Variants in GDI2 observed in about 807,000 individuals in gnomAD.
The protein encoded by GDI2 is rab GDP dissociation inhibitor beta.
Under a neutral mutation model 54.2 loss-of-function variants are expected in GDI2, and 22 were observed. The ratio of observed to expected loss-of-function variants is 0.41; its 90% confidence interval spans 0.29 to 0.58. The LOEUF (loss-of-function observed/expected upper bound fraction) is 0.58. GDI2 is among the 20% of genes least tolerant of loss of function. The probability of loss-of-function intolerance (pLI) is 0.35; values close to 1 mark genes in which losing one functional copy is unlikely to be tolerated. For synonymous variants in GDI2, 177 were observed against 182.1 expected (o/e 0.97, Z 0.23); for missense variants, 422 against 546.0 (o/e 0.77, Z 2.26).
intron 1 of GDI2, among the ~76,000 whole-genome samples, chr10:5,809,791 G>A (rs1261410824): frequency 2.6e-5 from 4 of 152,196 alleles, no homozygotes; most frequent in Admixed American, 1.3e-4. Context: ...AGAGGTAATT[G>A]CAGTGTATCA....
intron 5 of GDI2, 140 bp from the exon 6 acceptor site, chr10:5,785,413 C>T (rs1840851908): frequency 9.4e-6 from 6 of 637,204 alleles, no homozygotes; most frequent in East Asian, 5.5e-5. Flanking sequence ...CTCACTCTGT[C>T]GCCCAGACTG....
chr10:5,780,237 CAAAA>C (rs973736600), intron 6 of GDI2, among the ~76,000 whole-genome samples: 22 of 129,088 alleles, frequency 1.7e-4, no homozygotes, highest in African/African-American at 6.3e-4. Flanking sequence ...AACAAACAAA[CAAAA>C]AAACAGACCA....
intron 4 of GDI2, among the ~76,000 whole-genome samples, chr10:5,789,845 C>T (rs950046068): frequency 3.3e-5 from 5 of 152,194 alleles, no homozygotes; most frequent in African/African-American, 7.2e-5. Flanking sequence ...AACTGCAGTA[C>T]ATACTGTACT....
intron 1 of GDI2, among the ~76,000 whole-genome samples, chr10:5,809,846 C>T (rs922610304): frequency 2.6e-5 from 4 of 152,234 alleles, no homozygotes; most frequent in African/African-American, 9.6e-5. Flanking sequence ...CAATGTCACA[C>T]TATTGTCATC....
intron 1 of GDI2, among the ~76,000 whole-genome samples, chr10:5,807,912 G>A (rs967092816): frequency 2.6e-5 from 4 of 152,114 alleles, no homozygotes. Context: ...GTGTTTCCAC[G>A]GCCAGTAACA....
intron 6 of GDI2, 152 bp downstream of exon 6, chr10:5,784,990 T>G: frequency 2.2e-6 from 1 of 464,910 alleles, no homozygotes; most frequent in South Asian, 7.5e-5. Context: ...GATCCATGCA[T>G]ATCATTATAT....
chr10:5,805,557 T>A (rs1841359503), intron 1 of GDI2, among the ~76,000 whole-genome samples: 1 of 151,950 alleles, frequency 6.6e-6, no homozygotes, highest in Non-Finnish European at 1.5e-5. Flanking sequence ...ATTTTTTAAT[T>A]TTTTGTAGCA....
At chr10:5,792,889 A>G (rs898503754) in intron 4 of GDI2, among the ~76,000 whole-genome samples, 1 of 151,456 alleles carries the variant, frequency 6.6e-6, no homozygotes, top group Admixed American at 6.6e-5. Flanking sequence ...TGAAGGAGGT[A>G]ACTGAAGCTT....
chr10:5,773,935 A>G lies in GDI2; in HGVS notation c.726T>C (p.Ser242=). Residue 242 remains serine, a synonymous_variant, in exon 7 of 11, where the codon AGT becomes AGC. Transcript: ENST00000380191. The part of the protein sequence containing the change: ...GELPQGFARL[S]AIYGGTYMLN... ...GCATATAGGTACCTCCATAAATAGC[A>G]CTTAGCCTGGAAAATTTTTAAAATC... The G allele has an allele frequency of 1.4e-6, 2 of 1,445,792 alleles. No individual in the cohort carries two copies. The highest frequency in any genetic ancestry group is 1.9e-6 in the Non-Finnish European group (2 of 1,043,830). The allele number at this position is 1,445,792 out of a possible 1,614,324, so 89.6% of individuals were successfully genotyped here. A position where few individuals can be genotyped will look rare whatever the true frequency, so the allele number is the denominator to read the frequency against.
chr10:5,809,671 T>G (rs1177362611), intron 1 of GDI2, among the ~76,000 whole-genome samples: 1 of 152,230 alleles, frequency 6.6e-6, no homozygotes, highest in South Asian at 2.1e-4. Flanking sequence ...GTTCTGTGTT[T>G]ACCTTTTTAC....
At chr10:5,802,823 A>G (rs1213412991) in intron 1 of GDI2, among the ~76,000 whole-genome samples, 4 of 152,204 alleles carry the variant, frequency 2.6e-5, no homozygotes, top group Admixed American at 1.3e-4. Flanking sequence ...CACAGGAGGA[A>G]AAAAGAGGAA....
At position 5,813,411 on chromosome 10, in the gene GDI2, A is replaced by G; in HGVS notation, c.-153T>C. ...TGGCGACAAGGCGAGACCGACCGCCACCTCAGACGGGAAGAGAAGAACTGG... is the reference window on the plus strand; with the variant it reads ...TGGCGACAAGGCGAGACCGACCGCCGCCTCAGACGGGAAGAGAAGAACTGG... On this transcript the variant is annotated 5_prime_UTR_variant, in exon 1 of 11. Coordinates refer to ENST00000380191, the MANE Select transcript of GDI2 (RefSeq NM_001494.4). 2.3e-6 allele frequency: 1 copy of G among 428,314 alleles called. No individual in the cohort carries two copies. Among genetic ancestry groups the G allele is most frequent in the Non-Finnish European group, 4.3e-6 (1 of 234,808 alleles). 26.5% of individuals were successfully genotyped at this position (428,314 alleles called of 1,614,324 possible).
chr10:5,779,576 C>A (rs1455515661), intron 6 of GDI2, among the ~76,000 whole-genome samples: 2 of 151,162 alleles, frequency 1.3e-5, no homozygotes, highest in African/African-American at 4.9e-5. Context: ...AATTAAAATT[C>A]ACTGAATGAG....
At chr10:5,806,662 C>T (rs1841386846) in intron 1 of GDI2, among the ~76,000 whole-genome samples, 1 of 151,928 alleles carries the variant, frequency 6.6e-6, no homozygotes, top group African/African-American at 2.4e-5. Flanking sequence ...TTAACAACTA[C>T]AAAAATCAAC....
chr10:5,793,659 T>C (rs1841065537), intron 4 of GDI2, among the ~76,000 whole-genome samples: 1 of 152,212 alleles, frequency 6.6e-6, no homozygotes, highest in Admixed American at 6.5e-5. Context: ...TTATGAGCAC[T>C]TTCCCTCTTC....
rs1840634907 is a variant in GDI2, at chr10:5,776,936, G to GA, written c.720-2996dup. 1 of 623,554 alleles carries GA rather than the reference G, an allele frequency of 1.6e-6. No homozygotes were observed. Among genetic ancestry groups the GA allele is most frequent in the South Asian group, 2.6e-5 (1 of 39,114 alleles). The allele number at this position is 623,554 out of a possible 1,614,324, so 38.6% of individuals were successfully genotyped here. A position where few individuals can be genotyped will look rare whatever the true frequency, so the allele number is the denominator to read the frequency against. On this transcript the variant is annotated intron_variant, in intron 6 of 10. Coordinates refer to ENST00000380191, the MANE Select transcript of GDI2 (RefSeq NM_001494.4). This position sits in a 1 kb window ranked among gnomAD's most constrained non-coding sequence, Gnocchi z 5.3. ...TTAATCCAGCAAAAAAATTAAAAGG[G>GA]AAAACCACATAGAAGGGTAATCCCG...
intron 7 of GDI2, among the ~76,000 whole-genome samples, chr10:5,769,772 A>G (rs991895320): frequency 6.6e-6 from 1 of 152,230 alleles, no homozygotes; most frequent in Non-Finnish European, 1.5e-5. Context: ...CTTCTTGTCC[A>G]CTACTGACAG....
chr10:5,776,271 C>A lies in GDI2; in HGVS notation c.720-2330G>T, dbSNP rs1840617177. On this transcript the variant is annotated intron_variant, in intron 6 of 10. Coordinates refer to ENST00000380191, the MANE Select transcript of GDI2 (RefSeq NM_001494.4). The surrounding 1 kb of genome is among the most constrained non-coding windows in gnomAD (Gnocchi z 5.3). ...CTCATCCAAGACAGGTGGAAAAGGG[C>A]CCAGCGTGAAAAGACTGAAAGCCCA... The A allele has an allele frequency of 1.9e-6, 1 of 516,098 alleles. No individual in the cohort carries two copies. The highest frequency in any genetic ancestry group is 3.9e-5 in the East Asian group (1 of 25,848). 32.0% of individuals were successfully genotyped at this position (516,098 alleles called of 1,614,324 possible).
intron 1 of GDI2, among the ~76,000 whole-genome samples, chr10:5,802,951 A>G (rs1362332809): frequency 6.6e-6 from 1 of 152,204 alleles, no homozygotes; most frequent in Non-Finnish European, 1.5e-5. Flanking sequence ...CTTTTGTGTA[A>G]ACCAAAGAAT....
Sources: gnomAD v4.1 joint callset for allele counts (sites outside exome capture counted in the v4.1 genomes callset) on GRCh38, gnomAD v4.1.1 for gene constraint, Gnocchi (gnomAD v3.1) non-coding constraint, MANE v1.5 for transcripts, NCBI Gene and HGNC (gene_info 2026-07-23, HGNC 2026-07-21) for gene names.